Variants in PDGFRB observed in about 807,000 individuals in gnomAD.
PDGFRB encodes platelet derived growth factor receptor beta.
A neutral mutation model predicts 120.2 loss-of-function variants in PDGFRB; 42 were observed. The observed-to-expected ratio is 0.35, with a 90% CI of 0.27 to 0.45. PDGFRB has a LOEUF of 0.45. Among genes scored for constraint, PDGFRB ranks in the 20% least tolerant of loss-of-function variants. The pLI, the probability that PDGFRB is intolerant of heterozygous loss-of-function variation, is 1.00. For synonymous variants in PDGFRB, 586 were observed against 606.8 expected, an observed-to-expected ratio of 0.97 and a Z score of 0.50; for missense variants, 1,149 against 1,476.3, an observed-to-expected ratio of 0.78 and a Z score of 3.63.
Position 150,132,701 on chromosome 5 carries a change from T to G in PDGFRB, c.1127+49A>C, listed in dbSNP as rs1472739467. ...TGAAAGCCGAGGGCTGCCTGGCGGC[T>G]GCAAAGAAAAATAACTTCAAGAATG... is the stretch of plus-strand genomic sequence containing the variant. On this transcript the variant is annotated intron_variant, in intron 7 of 22. Coordinates refer to ENST00000261799, the MANE Select transcript of PDGFRB (RefSeq NM_002609.4). This position sits in a 1 kb window ranked among gnomAD's most constrained non-coding sequence, Gnocchi z 5.0. The G allele has an allele frequency of 6.4e-7, 1 of 1,558,082 alleles. No homozygotes were observed. Among genetic ancestry groups the G allele is most frequent in the Admixed American group, 1.8e-5 (1 of 56,462 alleles).
intron 1 of PDGFRB, among the ~76,000 whole-genome samples, chr5:150,150,164 AG>A (rs774752928): frequency 6.6e-6 from 1 of 152,298 alleles, no homozygotes; most frequent in South Asian, 2.1e-4. Flanking sequence ...TGAACCACAG[AG>A]GTGGAGCTGG....
rs541469612 is a variant in PDGFRB at position 150,132,066 on chromosome 5, C to T, written c.1156G>A (p.Val386Met). 3 of 1,609,564 alleles carry T rather than the reference C, an allele frequency of 1.9e-6. No homozygotes were observed. Among genetic ancestry groups the T allele is most frequent in the African/African-American group, 1.3e-5 (1 of 74,798 alleles). Reference protein sequence around the residue: ...RYVSELTLVRVKVAEAGHYTM... With the variant: ...RYVSELTLVRMKVAEAGHYTM... ...TAGTGGCCAGCCTCTGCCACCTTCA[C>T]GCGAACCAGTGTCAGCTCTGACACA... The change falls in exon 8 of 23, where the codon GTG becomes ATG. Residue 386 changes from valine (V) to methionine (M), a missense_variant. Around this residue, in one of 3 missense-constraint regions of PDGFRB, gnomAD observed 879 missense variants for 1,108.6 expected, o/e 0.79. Transcript: ENST00000261799. The surrounding 1 kb of genome is among the most constrained non-coding windows in gnomAD (Gnocchi z 5.0).
At chr5:150,133,420 G>A (rs574277309) in intron 6 of PDGFRB, among the ~76,000 whole-genome samples, 166 bp downstream of exon 6, 60 of 152,268 alleles carry the variant, frequency 3.9e-4, no homozygotes, top group South Asian at 6.2e-4. Context: ...GGCTGCACTG[G>A]AGTGTGGCTG....
At position 150,129,819 on chromosome 5, in the gene PDGFRB, A is replaced by G. The variant is rs79387608; in HGVS notation, c.1517T>C (p.Val506Ala). Residue 506 changes from valine (V) to alanine (A), a missense_variant, in exon 10 of 23, where the codon GTG becomes GCG. Around this residue, in one of 3 missense-constraint regions of PDGFRB, gnomAD observed 879 missense variants for 1,108.6 expected, o/e 0.79. Coordinates refer to ENST00000261799, the MANE Select transcript of PDGFRB (RefSeq NM_002609.4). ...RLQHVDRPLSVRCTLRNAVGQ... is the reference protein window; with the variant it reads ...RLQHVDRPLSARCTLRNAVGQ... Reference sequence around the variant, plus strand: ...CACAGCGTTGCGCAGCGTGCAGCGCACCGACAGTGGCCGATCCACGTGCTG... The same window carrying G: ...CACAGCGTTGCGCAGCGTGCAGCGCGCCGACAGTGGCCGATCCACGTGCTG... 1.9e-6 allele frequency: 3 copies of G among 1,614,070 alleles called. No individual in the cohort carries two copies. The highest frequency in any genetic ancestry group is 2.5e-6 in the Non-Finnish European group (3 of 1,180,038).
At chr5:150,125,368 G>C (rs1018583958) in intron 12 of PDGFRB, 77 bp downstream of exon 12, 2 of 1,345,528 alleles carry the variant, frequency 1.5e-6, no homozygotes, top group African/African-American at 2.9e-5. Context: ...TCATGGCAAG[G>C]CTGGGACCAG....
rs1267599058 is a variant in PDGFRB, at chr5:150,117,740, G to T, written c.3015C>A (p.Ser1005Arg). Residue 1005 changes from serine to arginine, a missense_variant, in exon 22 of 23, where the codon AGC becomes AGA. By Grantham distance (110) the Ser-to-Arg change is moderately radical. This residue lies in a region of PDGFRB where 202 missense variants were observed against 214.3 expected (regional missense o/e 0.94). Transcript: ENST00000261799. ...FHGLRSPLDT[S>R]SVLYTAVQPN... is the part of the protein sequence containing the mutation. Reference sequence around the variant, plus strand: ...GCTGCACGGCAGTATAGAGGACGGAGCTGGTGTCCAGGGGAGATCGGAGGC... The same window carrying T: ...GCTGCACGGCAGTATAGAGGACGGATCTGGTGTCCAGGGGAGATCGGAGGC... The T allele has an allele frequency of 6.2e-7, 1 of 1,613,390 alleles. No individual in the cohort carries two copies.
rs149419210 is a variant in PDGFRB, at chr5:150,148,565, C to T, written c.-7+6832G>A. ...CCATCCAGGGCAGGGATGGGAGCCC[C>T]GCCAGGCTGGGAGCAGTGGTTCCAG... On this transcript the variant is annotated intron_variant, in intron 1 of 22. Coordinates refer to ENST00000261799, the MANE Select transcript of PDGFRB (RefSeq NM_002609.4). Among the ~76,000 whole-genome samples the T allele has an allele frequency of 9.9e-3, 1,502 of 152,362 alleles. 10 individuals carry two copies. Among genetic ancestry groups the T allele is most frequent in the African/African-American group, 0.031 (1,276 of 41,590 alleles).
Position 150,132,612 on chromosome 5 carries a change from G to A in PDGFRB, c.1127+138C>T, listed in dbSNP as rs1171669379. 5.4e-6 allele frequency: 4 copies of A among 741,742 alleles called. No homozygotes were observed. The highest frequency in any genetic ancestry group is 2.8e-5 in the Admixed American group (1 of 36,152). The allele number at this position is 741,742 out of a possible 1,614,324, so 45.9% of individuals were successfully genotyped here. A position where few individuals can be genotyped will look rare whatever the true frequency, so the allele number is the denominator to read the frequency against. ...GAGGGATGAACTGTCAGCTCTGGTC[G>A]CTGCAGCATCCCCAGCACCTGGCAC... On this transcript the variant is annotated intron_variant, in intron 7 of 22. Transcript: ENST00000261799. The surrounding 1 kb of genome is among the most constrained non-coding windows in gnomAD (Gnocchi z 5.0).
intron 19 of PDGFRB, 107 bp from the exon 20 acceptor site, chr5:150,119,673 G>T (rs917721948): frequency 1.4e-6 from 1 of 735,290 alleles, no homozygotes; most frequent in Non-Finnish European, 2.4e-6. Flanking sequence ...GTATGGGTAA[G>T]GGGGCAGTGC....
At chr5:150,129,232 G>A (rs780147188) in intron 10 of PDGFRB, among the ~76,000 whole-genome samples, 6 of 152,138 alleles carry the variant, frequency 3.9e-5, no homozygotes, top group Non-Finnish European at 7.3e-5. Flanking sequence ...TGTACCCACC[G>A]GTACATGCAT....
chr5:150,144,618 G>A (rs543484784), intron 1 of PDGFRB, among the ~76,000 whole-genome samples: 9 of 152,350 alleles, frequency 5.9e-5, no homozygotes, highest in African/African-American at 1.4e-4. Flanking sequence ...CAGAGTGCCT[G>A]TGCTTGGGGG....
At chr5:150,125,250 G>T (rs1760261537) in intron 12 of PDGFRB, among the ~76,000 whole-genome samples, 195 bp downstream of exon 12, 1 of 152,144 alleles carries the variant, frequency 6.6e-6, no homozygotes, top group African/African-American at 2.4e-5. Flanking sequence ...CAGGATCATA[G>T]AACCTCAATG....
At chr5:150,138,421 G>A (rs1760696528) in intron 1 of PDGFRB, among the ~76,000 whole-genome samples, 1 of 152,200 alleles carries the variant, frequency 6.6e-6, no homozygotes, top group South Asian at 2.1e-4. Context: ...GGATGATGGT[G>A]AGTACCTCAC....
intron 10 of PDGFRB, among the ~76,000 whole-genome samples, chr5:150,127,017 G>C (rs1324397790): frequency 6.6e-6 from 1 of 152,194 alleles, no homozygotes; most frequent in Non-Finnish European, 1.5e-5. Flanking sequence ...CCCTTGCTGG[G>C]GCTGCCACAG....
intron 9 of PDGFRB, 128 bp from the exon 10 acceptor site, chr5:150,130,096 G>A (rs1760419720): frequency 4.0e-6 from 3 of 751,836 alleles, no homozygotes; most frequent in East Asian, 5.2e-5. Context: ...TTCCGAGCGG[G>A]CTCCTCCTGT....
At position 150,122,811 on chromosome 5, in the gene PDGFRB, C is replaced by T. The variant is rs192284329; in HGVS notation, c.2183+231G>A. Among the ~76,000 whole-genome samples the T allele has an allele frequency of 9.1e-4, 138 of 152,338 alleles. 2 individuals carry two copies. The highest frequency in any genetic ancestry group is 3.2e-3 in the African/African-American group (134 of 41,582). ...CCCTGGACTGAAGGGCAAACACCCA[C>T]GACACAGGGATGGCATGTCACATCT... On this transcript the variant is annotated intron_variant, in intron 15 of 22. Coordinates refer to ENST00000261799, the MANE Select transcript of PDGFRB (RefSeq NM_002609.4).
chr5:150,129,698 T>C, intron 10 of PDGFRB, 59 bp downstream of exon 10: 1 of 1,412,142 alleles, frequency 7.1e-7, no homozygotes, highest in South Asian at 1.2e-5. Flanking sequence ...ACATTACCAA[T>C]TAGGCAGGAT....
At position 150,121,172 on chromosome 5, in the gene PDGFRB, C is replaced by T. The variant is rs925551139; in HGVS notation, c.2463+32G>A. ...GGCTGGGTGACCCACCTCCCCACAGCCCCCACTCTGCCCCACCAACACCAC... is the reference window on the plus strand; with the variant it reads ...GGCTGGGTGACCCACCTCCCCACAGTCCCCACTCTGCCCCACCAACACCAC... On this transcript the variant is annotated intron_variant, in intron 17 of 22. Transcript: ENST00000261799. The surrounding 1 kb of genome is among the most constrained non-coding windows in gnomAD (Gnocchi z 4.1). 4.5e-6 allele frequency: 6 copies of T among 1,326,104 alleles called. No individual in the cohort carries two copies. Among genetic ancestry groups the T allele is most frequent in the Admixed American group, 1.7e-5 (1 of 59,648 alleles). 82.1% of individuals were successfully genotyped at this position (1,326,104 alleles called of 1,614,324 possible).
At position 150,118,843 on chromosome 5, in the gene PDGFRB, G is replaced by A. The variant is rs1760046721; in HGVS notation, c.2808C>T (p.Ile936=). 6.2e-7 allele frequency: 1 copy of A among 1,606,600 alleles called. No individual in the cohort carries two copies. ...PAHASDEIYE[I]MQKCWEEKFE... ...ACTTCTCTTCCCAGCACTTCTGCAT[G>A]ATCTCATAGCTGGGGATAGGGAGAA... The change falls in exon 21 of 23, where the codon ATC becomes ATT. Residue 936 remains isoleucine (I), a synonymous_variant. Transcript: ENST00000261799.
Sources: allele counts gnomAD v4.1 joint callset (sites outside exome capture counted in the v4.1 genomes callset), GRCh38; gene constraint gnomAD v4.1.1; regional missense constraint gnomAD v4.1.1; non-coding constraint Gnocchi (gnomAD v3.1); transcripts MANE v1.5; gene names NCBI Gene and HGNC (gene_info 2026-07-23, HGNC 2026-07-21).